Variants in ERAP1 observed in about 807,000 individuals in gnomAD.
The protein encoded by ERAP1 is adipocyte-derived leucine aminopeptidase.
Under a neutral mutation model 103.7 loss-of-function variants are expected in ERAP1, and 86 were observed. That is an observed-to-expected ratio of 0.83 (90% CI 0.70 to 0.99). The LOEUF (loss-of-function observed/expected upper bound fraction) is 0.99. Among genes scored for constraint, ERAP1 ranks in the 50% least tolerant of loss-of-function variants. The pLI is 0.00. For missense variants in ERAP1, 1,009 were observed against 1,128.4 expected, an observed-to-expected ratio of 0.89 and a Z score of 1.52; for synonymous variants, 398 against 402.4, an observed-to-expected ratio of 0.99 and a Z score of 0.13.
At chr5:96,900,754 G>A in the ERAP1 span, among the ~76,000 whole-genome samples, 1 of 152,108 alleles carries the variant, frequency 6.6e-6, no homozygotes, top group African/African-American at 2.4e-5. Context: ...TCAGCTCACT[G>A]CAACCTCCAC....
At chr5:96,767,034 T>C (rs1462391129) in intron 19 of ERAP1, among the ~76,000 whole-genome samples, 1 of 152,202 alleles carries the variant, frequency 6.6e-6, no homozygotes, top group African/African-American at 2.4e-5. Flanking sequence ...AAATTTATTA[T>C]TTAAGGCCCT....
At chr5:96,825,287 T>C in the ERAP1 span, among the ~76,000 whole-genome samples, 1 of 152,232 alleles carries the variant, frequency 6.6e-6, no homozygotes, top group African/African-American at 2.4e-5. Context: ...AATATTTGGG[T>C]ATTTTCCAGC....
chr5:96,889,176 AT>A, the ERAP1 span: 2 of 1,613,634 alleles, frequency 1.2e-6, no homozygotes, highest in East Asian at 4.5e-5. Flanking sequence ...TCTGATCCAC[AT>A]TTCCCAGGTG....
the ERAP1 span, among the ~76,000 whole-genome samples, chr5:96,830,464 T>G: frequency 6.6e-6 from 1 of 152,208 alleles, no homozygotes; most frequent in Non-Finnish European, 1.5e-5. Context: ...TGGCAGTGAC[T>G]GAAAACTGGA....
chr5:96,874,170 GAA>G, the ERAP1 span, among the ~76,000 whole-genome samples: 72 of 103,210 alleles, frequency 7.0e-4, no homozygotes, highest in South Asian at 0.024. Flanking sequence ...AAGAAAGAAA[GAA>G]AGAAAGAAAG....
chr5:96,800,755 G>A, intron 3 of ERAP1, 107 bp downstream of exon 3: 1 of 1,175,106 alleles, frequency 8.5e-7, no homozygotes, highest in East Asian at 2.4e-5. Context: ...GATCTGCCAG[G>A]CAATAAAACA....
chr5:96,801,040 C>T, intron 2 of ERAP1, 40 bp from the exon 3 acceptor site: 1 of 1,610,360 alleles, frequency 6.2e-7, no homozygotes, highest in Non-Finnish European at 8.5e-7. Context: ...GAGCATGAAG[C>T]ACCAGGAACT....
the ERAP1 span, among the ~76,000 whole-genome samples, chr5:96,821,447 T>C: frequency 6.6e-6 from 1 of 152,214 alleles, no homozygotes; most frequent in Non-Finnish European, 1.5e-5. Flanking sequence ...GGTTCCCTTT[T>C]TGGTTTCCTT....
chr5:96,933,211 CTTTTTTTTTTT>C, the ERAP1 span, among the ~76,000 whole-genome samples: 4 of 72,800 alleles, frequency 5.5e-5, no homozygotes, highest in African/African-American at 1.2e-4. Flanking sequence ...AAAACCACGT[CTTTTTTTTTTT>C]TTTTTTTTTT....
the ERAP1 span, among the ~76,000 whole-genome samples, chr5:96,831,306 A>C: frequency 3.3e-5 from 5 of 152,204 alleles, no homozygotes; most frequent in Non-Finnish European, 7.3e-5. Context: ...TAACACATTC[A>C]TGAGAACTCT....
intron 1 of ERAP1, chr5:96,805,959 T>A (rs918700831): frequency 6.6e-6 from 1 of 152,276 alleles, no homozygotes; most frequent in Non-Finnish European, 1.5e-5. Flanking sequence ...GGACCTTGGA[T>A]CAGAGGCTTT....
the ERAP1 span, chr5:96,912,873 A>C: frequency 7.9e-7 from 1 of 1,267,282 alleles, no homozygotes; most frequent in African/African-American, 1.5e-5. Context: ...AACTTCAGCC[A>C]CCAGTTTTAA....
At chr5:96,904,905 A>C in the ERAP1 span, among the ~76,000 whole-genome samples, 1 of 152,216 alleles carries the variant, frequency 6.6e-6, no homozygotes, top group East Asian at 1.9e-4. Context: ...TAAGAATACA[A>C]ATTTTATATG....
chr5:96,916,765 CTT>C, the ERAP1 span, among the ~76,000 whole-genome samples: 3 of 145,018 alleles, frequency 2.1e-5, no homozygotes, highest in East Asian at 2.0e-4. Context: ...ACCAGCCTAT[CTT>C]TTTTTTTTTT....
At chr5:96,801,089 A>G (rs1193797966) in intron 2 of ERAP1, 89 bp from the exon 3 acceptor site, 9 of 1,417,750 alleles carry the variant, frequency 6.3e-6, no homozygotes, top group Admixed American at 3.6e-5. Flanking sequence ...TAAAGTTACT[A>G]TAAGATTGAT....
chr5:96,805,103 ACTC>A (rs142788040), intron 1 of ERAP1, among the ~76,000 whole-genome samples: 14,416 of 151,908 alleles, frequency 0.095, 904 homozygotes, highest in Middle Eastern at 0.16. Context: ...ATTGGCCCAA[ACTC>A]CTCGTGTTCC....
chr5:96,901,598 CG>C, the ERAP1 span: 1 of 1,614,106 alleles, frequency 6.2e-7, no homozygotes. Flanking sequence ...TTAAACAAGA[CG>C]GGTGTTCACT....
the ERAP1 span, among the ~76,000 whole-genome samples, chr5:96,872,052 A>G: frequency 6.6e-6 from 1 of 152,214 alleles, no homozygotes; most frequent in African/African-American, 2.4e-5. Flanking sequence ...CCCATAATAT[A>G]GACTCTGTCT....
chr5:96,913,183 A>G, the ERAP1 span: 1 of 666,292 alleles, frequency 1.5e-6, no homozygotes, highest in Non-Finnish European at 2.4e-6. Flanking sequence ...GTTTAATTGA[A>G]ACATTAAAAA....
Sources: allele counts gnomAD v4.1 joint callset (sites outside exome capture counted in the v4.1 genomes callset), GRCh38; gene constraint gnomAD v4.1.1; transcripts MANE v1.5; gene names NCBI Gene and HGNC (gene_info 2026-07-23, HGNC 2026-07-21).